The following EXD3 variants were observed in gnomAD, a reference collection of about 807,000 sequenced individuals.
EXD3 encodes the protein exonuclease mut-7 homolog.
EXD3 carries 92 observed loss-of-function variants against 98.0 expected under a neutral mutation model. The ratio of observed to expected loss-of-function variants is 0.94; its 90% CI spans 0.79 to 1.12. The LOEUF is 1.12. EXD3 is among the 50% of genes most tolerant of loss of function. The probability of loss-of-function intolerance (pLI) is 0.00; values close to 1 mark genes in which losing one functional copy is unlikely to be tolerated. For synonymous variants in EXD3, 569 were observed against 526.0 expected, an observed-to-expected ratio of 1.08 and a Z score of -1.12; for missense variants, 1,222 against 1,191.6, an observed-to-expected ratio of 1.03 and a Z score of -0.38.
At chr9:137,331,517 G>C (rs56253011) in intron 17 of EXD3, among the ~76,000 whole-genome samples, 17,711 of 152,064 alleles carry the variant, frequency 0.12, 1,500 homozygotes, top group African/African-American at 0.24. Context: ...AACCCTAAAG[G>C]CTCCTCCAAA....
At position 137,315,578 on chromosome 9, in the gene EXD3, C is replaced by T. The variant is rs752456313; in HGVS notation, c.2185-5878G>A. Among the ~76,000 whole-genome samples the T allele has an allele frequency of 7.2e-5, 11 of 152,148 alleles. No individual in the cohort carries two copies. The South Asian group carries it at 1.2e-3, about 17-fold the overall frequency. ...GGGCAGGAGGCCGAGGCCCCGGCACCGGGTCTCCCACTCACATGGGATGGT... is the reference window on the plus strand; with the variant it reads ...GGGCAGGAGGCCGAGGCCCCGGCACTGGGTCTCCCACTCACATGGGATGGT... On this transcript the variant is annotated intron_variant, in intron 19 of 21. Coordinates refer to ENST00000340951, the MANE Select transcript of EXD3 (RefSeq NM_017820.5).
In EXD3 at chr9:137,352,155, G is replaced by A. The variant is rs747938741; in HGVS notation, c.1084C>T (p.Arg362Cys). The change falls in exon 12 of 22, where the codon CGT (arginine) becomes TGT (cysteine). Residue 362 changes from arginine to cysteine, a missense_variant. Coordinates refer to ENST00000340951, the MANE Select transcript of EXD3 (RefSeq NM_017820.5). ...CTGGGGATGGGCAGCTGGTAGTAAC[G>A]GTCCTTCATGTCCTTCACCTCCAGC... Reference protein sequence around the residue: ...SRLEVKDMKDRYYQLPIPREN... With the variant: ...SRLEVKDMKDCYYQLPIPREN... 9.3e-6 allele frequency: 15 copies of A among 1,612,756 alleles called. No homozygotes were observed. Among genetic ancestry groups the A allele is most frequent in the South Asian group, 4.4e-5 (4 of 91,094 alleles).
intron 12 of EXD3, 53 bp from the exon 13 acceptor site, chr9:137,351,581 G>T: frequency 6.6e-7 from 1 of 1,515,790 alleles, no homozygotes; most frequent in East Asian, 2.5e-5. Context: ...GGCTCTGCAG[G>T]GACCACAGCC....
Position 137,307,658 on chromosome 9 carries a change from G to A in EXD3, c.2279-12C>T, listed in dbSNP as rs775696345. On this transcript the variant is annotated splice_polypyrimidine_tract_variant and intron_variant, in intron 20 of 21. Transcript: ENST00000340951. ...GGTGGCCTCGTCACCTGTCAGTCAA[G>A]GAAGAGAGCTGGTCCGGGACTGTCC... 1.2e-6 allele frequency: 2 copies of A among 1,608,828 alleles called. No individual in the cohort carries two copies. The highest frequency in any genetic ancestry group is 1.3e-5 in the African/African-American group (1 of 74,936).
chr9:137,351,193 C>T (rs777818090), intron 13 of EXD3, 46 bp from the exon 14 acceptor site: 21 of 1,538,926 alleles, frequency 1.4e-5, no homozygotes, highest in Admixed American at 7.9e-5. Flanking sequence ...AGGCAGGGAC[C>T]GCACTGTCCC....
intron 1 of EXD3, among the ~76,000 whole-genome samples, chr9:137,415,924 G>A (rs1301818558): frequency 1.3e-5 from 2 of 152,240 alleles, no homozygotes; most frequent in Non-Finnish European, 2.9e-5. Flanking sequence ...TCAAAACCAG[G>A]CAGATGCACG....
rs1042960452 is a variant in EXD3 at position 137,324,498 on chromosome 9, G to C, written c.1999-355C>G. 3.3e-5 allele frequency among the ~76,000 whole-genome samples: 5 copies of C among 152,002 alleles called. No individual in the cohort carries two copies. The highest frequency in any genetic ancestry group is 1.2e-4 in the African/African-American group (5 of 41,368). ...TAGAGATTTGAAAACACAGTAACTT[G>C]CCCCTAGCTCATAGGGAGCCAACTA... On this transcript the variant is annotated intron_variant, in intron 17 of 21. Transcript: ENST00000340951. The surrounding 1 kb of genome is among the most constrained non-coding windows in gnomAD (Gnocchi z 4.1).
At chr9:137,321,134 C>G (rs534861584) in intron 19 of EXD3, among the ~76,000 whole-genome samples, 14 of 152,250 alleles carry the variant, frequency 9.2e-5, no homozygotes, top group Non-Finnish European at 1.9e-4. Context: ...AGATCCGAGC[C>G]GAGCCGGAGC....
At position 137,306,986 on chromosome 9, in the gene EXD3, C is replaced by G. The variant is rs759203903; in HGVS notation, c.2595G>C (p.Pro865=). The change falls in exon 22 of 22, where the codon CCG becomes CCC. Residue 865 remains proline, a synonymous_variant. Coordinates refer to ENST00000340951, the MANE Select transcript of EXD3 (RefSeq NM_017820.5). ...MLESAPSPCE[P]SPAPSPASSP... ...TGCTGGCCGGGCTGGGGGCTGGGCT[C>G]GGCTCGCAGGGGCTGGGGGCGCTCT... The G allele has an allele frequency of 2.5e-6, 4 of 1,601,448 alleles. No individual in the cohort carries two copies. Among genetic ancestry groups the G allele is most frequent in the Non-Finnish European group, 3.4e-6 (4 of 1,173,400 alleles).
intron 5 of EXD3, 114 bp downstream of exon 5, chr9:137,372,791 T>G (rs1312598762): frequency 2.6e-6 from 3 of 1,134,362 alleles, no homozygotes; most frequent in Non-Finnish European, 3.7e-6. Flanking sequence ...TACCTCCATG[T>G]AGACCAGAAG....
intron 2 of EXD3, among the ~76,000 whole-genome samples, 152 bp from the exon 3 acceptor site, chr9:137,383,529 C>T (rs1836430248): frequency 6.6e-6 from 1 of 152,198 alleles, no homozygotes; most frequent in African/African-American, 2.4e-5. Flanking sequence ...GTCTGGCACA[C>T]ACACAACACA....
intron 1 of EXD3, among the ~76,000 whole-genome samples, chr9:137,418,868 T>C (rs979897244): frequency 4.6e-5 from 7 of 152,216 alleles, no homozygotes; most frequent in Non-Finnish European, 7.3e-5. Context: ...CTCTCTGTCA[T>C]AGTAAAGGTT....
chr9:137,355,160 C>T (rs1046923140), intron 8 of EXD3, among the ~76,000 whole-genome samples: 7 of 152,158 alleles, frequency 4.6e-5, no homozygotes, highest in Admixed American at 3.3e-4. Flanking sequence ...TGACTGAAGC[C>T]CCATGAGCGG....
intron 7 of EXD3, chr9:137,365,393 C>G (rs1835172338): frequency 6.5e-6 from 1 of 153,000 alleles, no homozygotes; most frequent in Non-Finnish European, 1.5e-5. Context: ...GGCCCTGGAG[C>G]CTTCACAGAC....
At chr9:137,353,383 C>A in intron 10 of EXD3, 1 of 985,412 alleles carries the variant, frequency 1.0e-6, no homozygotes, top group Non-Finnish European at 1.2e-6. Flanking sequence ...ACCTGCCCAG[C>A]CTGCCCCATC....
intron 17 of EXD3, among the ~76,000 whole-genome samples, chr9:137,332,249 T>TA (rs149655706): frequency 0.15 from 22,314 of 151,978 alleles, 2,394 homozygotes; most frequent in African/African-American, 0.3. Context: ...CTAAAATCTG[T>TA]ATGAACCAAA....
rs1005314872 is a variant in EXD3 at position 137,355,582 on chromosome 9, G to A, written c.757+686C>T. ...GAGGAAGGGAGGATGGAGGAAGGAG[G>A]AAGGAGAAAGGGCGGAAGGAGAAAG... On this transcript the variant is annotated intron_variant, in intron 8 of 21. Transcript: ENST00000340951. Among the ~76,000 whole-genome samples the A allele has an allele frequency of 3.6e-4, 18 of 50,268 alleles. 3 individuals carry two copies. Among genetic ancestry groups the A allele is most frequent in the African/African-American group, 1.1e-3 (12 of 10,548 alleles). 33.0% of individuals were successfully genotyped at this position (50,268 alleles called of 152,430 possible).
At chr9:137,396,444 C>T (rs537698967) in intron 1 of EXD3, among the ~76,000 whole-genome samples, 3 of 152,306 alleles carry the variant, frequency 2.0e-5, no homozygotes, top group South Asian at 2.1e-4. Context: ...CTAACACAGG[C>T]GTGCAGGAGA....
At chr9:137,326,271 G>A (rs1186553153) in intron 17 of EXD3, among the ~76,000 whole-genome samples, 5 of 152,196 alleles carry the variant, frequency 3.3e-5, no homozygotes, top group South Asian at 2.1e-4. Context: ...GGGTGGAGAC[G>A]TCGGTATTTG....
Sources: gnomAD v4.1 joint callset for allele counts (sites outside exome capture counted in the v4.1 genomes callset) on GRCh38, gnomAD v4.1.1 for gene constraint, Gnocchi (gnomAD v3.1) non-coding constraint, MANE v1.5 for transcripts, NCBI Gene and HGNC (gene_info 2026-07-23, HGNC 2026-07-21) for gene names.